ARHGEF18: variants seen among roughly 807,000 people sequenced by gnomAD.
The protein encoded by ARHGEF18 is rho guanine nucleotide exchange factor 18.
In ARHGEF18, 93 loss-of-function variants were observed where a neutral mutation model predicts 155.7. That is an observed-to-expected ratio of 0.60 (90% CI 0.50 to 0.71). ARHGEF18 has a LOEUF of 0.71. Among genes scored for constraint, ARHGEF18 ranks in the 30% least tolerant of loss-of-function variants. The pLI, the probability that ARHGEF18 is intolerant of heterozygous loss-of-function variation, is 0.00. For synonymous variants in ARHGEF18, 742 were observed against 753.1 expected (o/e 0.99, Z 0.24); for missense variants, 1,593 against 1,816.1 (o/e 0.88, Z 2.23).
chr19:7,361,675 T>C (rs1012089264), intron 1 of ARHGEF18, among the ~76,000 whole-genome samples: 2 of 152,086 alleles, frequency 1.3e-5, no homozygotes, highest in Non-Finnish European at 1.5e-5. Context: ...CTCCATGCAA[T>C]TGAATATTAT....
At chr19:7,354,367 A>T (rs1004396679) in intron 1 of ARHGEF18, among the ~76,000 whole-genome samples, 4 of 152,002 alleles carry the variant, frequency 2.6e-5, no homozygotes, top group Non-Finnish European at 5.9e-5. Flanking sequence ...GCACTTTGGG[A>T]GGCTGATTTG....
At chr19:7,458,297 TAAAAAAA>T (rs35712455) in intron 18 of ARHGEF18, among the ~76,000 whole-genome samples, 16 of 92,346 alleles carry the variant, frequency 1.7e-4, no homozygotes, top group South Asian at 4.1e-4. Context: ...CAAGATAGTT[TAAAAAAA>T]AAAAAAAAAA....
intron 10 of ARHGEF18, among the ~76,000 whole-genome samples, chr19:7,391,183 GTCCTCCCAAGGTATAAC>G (rs1363580708): frequency 3.3e-5 from 5 of 152,130 alleles, no homozygotes; most frequent in Non-Finnish European, 5.9e-5. Flanking sequence ...GCTGAGAAAA[GTCCTCCCAAGGTATAAC>G]TCCCCACAGG....
At position 7,459,990 on chromosome 19, in the gene ARHGEF18, T is replaced by A. The variant is rs745689142; in HGVS notation, c.2448T>A (p.Phe816Leu). 1.9e-6 allele frequency: 3 copies of A among 1,575,800 alleles called. No homozygotes were observed. In the Admixed American group the frequency reaches 5.5e-5, roughly 29 times the overall value. ...CCCGCGCCACGAGACTCCGGGACTTTCAAGGTGAGCGGGAGACAGCGTCTG... is the reference window on the plus strand; with the variant it reads ...CCCGCGCCACGAGACTCCGGGACTTACAAGGTGAGCGGGAGACAGCGTCTG... ...VEARATRLRD[F>L]QERLSMKDQL... is the part of the protein sequence containing the mutation. The change falls in exon 20 of 29, where the codon TTT (phenylalanine) becomes TTA (leucine). Residue 816 changes from phenylalanine (F) to leucine (L), a missense_variant. By Grantham distance (22) the Phe-to-Leu change is conservative. Coordinates refer to ENST00000668164, the MANE Select transcript of ARHGEF18 (RefSeq NM_001367823.1).
In ARHGEF18 at chr19:7,396,149, C is replaced by T. The variant is rs144242687; in HGVS notation, c.967+12946C>T. Among the ~76,000 whole-genome samples the T allele has an allele frequency of 3.4e-3, 525 of 152,296 alleles. 2 individuals are homozygous for T. The highest frequency in any genetic ancestry group is 0.012 in the African/African-American group (500 of 41,568). On this transcript the variant is annotated intron_variant, in intron 10 of 28. Transcript: ENST00000668164. ...CTAGCACTTGAGTGTTTTGCTGTGGCTATCTGCCCCTTATCTCTTGCTCTG... is the reference window on the plus strand; with the variant it reads ...CTAGCACTTGAGTGTTTTGCTGTGGTTATCTGCCCCTTATCTCTTGCTCTG...
At chr19:7,449,233 G>A (rs1975205284) in intron 15 of ARHGEF18, among the ~76,000 whole-genome samples, 1 of 152,060 alleles carries the variant, frequency 6.6e-6, no homozygotes, top group African/African-American at 2.4e-5. Flanking sequence ...GCTCCCGAGA[G>A]AGTGTCAGGT....
At chr19:7,372,478 A>G (rs1164445038) in intron 2 of ARHGEF18, among the ~76,000 whole-genome samples, 12 of 56,254 alleles carry the variant, frequency 2.1e-4, no homozygotes, top group African/African-American at 3.4e-4. Context: ...ACCAAAAAGA[A>G]AAAAAAAAAG....
At chr19:7,390,491 A>G (rs868104591) in intron 10 of ARHGEF18, 1 of 149,050 alleles carries the variant, frequency 6.7e-6, no homozygotes, top group African/African-American at 2.5e-5. Flanking sequence ...CCTGGGTGAC[A>G]GAGCGAGACT....
At chr19:7,409,956 T>A (rs1411869524) in intron 10 of ARHGEF18, among the ~76,000 whole-genome samples, 1 of 149,298 alleles carries the variant, frequency 6.7e-6, no homozygotes, top group Non-Finnish European at 1.5e-5. Flanking sequence ...TTTGTATTTT[T>A]TTTTTTTTTT....
intron 16 of ARHGEF18, 80 bp downstream of exon 16, chr19:7,451,346 G>A: frequency 2.6e-6 from 3 of 1,171,996 alleles, no homozygotes; most frequent in Admixed American, 2.3e-5. Flanking sequence ...CCCTATTTGA[G>A]CAGCAAACTG....
chr19:7,474,383 A>AT (rs199694209), downstream of ARHGEF18, among the ~76,000 whole-genome samples: 3,838 of 151,868 alleles, frequency 0.025, 99 homozygotes, highest in East Asian at 0.1. Flanking sequence ...TTACATTTTT[A>AT]TTTATTTTTT....
In ARHGEF18 at chr19:7,463,737, G is replaced by A. The variant is rs902332082; in HGVS notation, c.2636-81G>A. ...CCAGTGAGTCCCTCCGTCCACCCGG[G>A]TCTCGCTGCCCCAGCGCTCCGTATT... is the stretch of plus-strand genomic sequence containing the variant. On this transcript the variant is annotated intron_variant, in intron 21 of 28. Coordinates refer to ENST00000668164, the MANE Select transcript of ARHGEF18 (RefSeq NM_001367823.1). The surrounding 1 kb of genome is among the most constrained non-coding windows in gnomAD (Gnocchi z 5.2). The A allele has an allele frequency of 3.4e-6, 5 of 1,461,412 alleles. No homozygotes were observed. Among genetic ancestry groups the A allele is most frequent in the South Asian group, 1.4e-5 (1 of 72,010 alleles). 90.5% of individuals were successfully genotyped at this position (1,461,412 alleles called of 1,614,324 possible). A position where few individuals can be genotyped will look rare whatever the true frequency, so the allele number is the denominator to read the frequency against.
chr19:7,394,558 C>G (rs1971572297), intron 10 of ARHGEF18, among the ~76,000 whole-genome samples: 1 of 152,008 alleles, frequency 6.6e-6, no homozygotes, highest in South Asian at 2.1e-4. Context: ...GTCCCCTTAA[C>G]CCCGCTATCC....
chr19:7,379,190 T>TGAGGG lies in ARHGEF18; in HGVS notation c.644+28_644+32dup, dbSNP rs1970607893. ...GGGTAAGTGGGAATCGGGACAGGCT[T>TGAGGG]GAGGGGAGCAAAGTGGGAGACAAAA... On this transcript the variant is annotated intron_variant, in intron 7 of 28. Coordinates refer to ENST00000668164, the MANE Select transcript of ARHGEF18 (RefSeq NM_001367823.1). 4.1e-6 allele frequency: 5 copies of TGAGGG among 1,231,832 alleles called. No individual in the cohort carries two copies. In the Admixed American group the frequency reaches 2.1e-4, roughly 52 times the overall value. 76.3% of individuals were successfully genotyped at this position (1,231,832 alleles called of 1,614,324 possible).
At chr19:7,431,459 C>A (rs748043193) in intron 10 of ARHGEF18, among the ~76,000 whole-genome samples, 6 of 124,914 alleles carry the variant, frequency 4.8e-5, no homozygotes, top group Non-Finnish European at 9.5e-5. Context: ...TGCAGTGAGT[C>A]AAGATCGTGC....
chr19:7,473,424 G>A, downstream of ARHGEF18: 1 of 396,028 alleles, frequency 2.5e-6, no homozygotes, highest in South Asian at 1.9e-5. Flanking sequence ...GCATTTTGGG[G>A]AGGCGGGGGC....
intron 5 of ARHGEF18, among the ~76,000 whole-genome samples, chr19:7,378,102 A>T (rs953477068): frequency 2.0e-5 from 3 of 152,086 alleles, no homozygotes; most frequent in African/African-American, 7.2e-5. Flanking sequence ...AAGGAAAAAA[A>T]GGGGAGGGGG....
intron 10 of ARHGEF18, among the ~76,000 whole-genome samples, chr19:7,398,412 G>A (rs895089771): frequency 2.0e-5 from 3 of 152,088 alleles, no homozygotes; most frequent in African/African-American, 7.2e-5. Context: ...AAGCAGAAAA[G>A]AGACCGGGCA....
At chr19:7,455,227 A>G (rs745960780) in intron 17 of ARHGEF18, among the ~76,000 whole-genome samples, 1 of 152,118 alleles carries the variant, frequency 6.6e-6, no homozygotes, top group Non-Finnish European at 1.5e-5. Flanking sequence ...GTAGGAATAC[A>G]CCCCACCGGG....
Sources: gnomAD v4.1 joint callset for allele counts (sites outside exome capture counted in the v4.1 genomes callset) on GRCh38, gnomAD v4.1.1 for gene constraint, Gnocchi (gnomAD v3.1) non-coding constraint, MANE v1.5 for transcripts, NCBI Gene and HGNC (gene_info 2026-07-23, HGNC 2026-07-21) for gene names.